The following EOGT variants were observed in gnomAD, a reference collection of about 807,000 sequenced individuals.
EOGT encodes the protein EGF domain specific O-linked N-acetylglucosamine transferase.
A neutral mutation model predicts 70.5 loss-of-function variants in EOGT; 55 were observed. That is an observed-to-expected ratio of 0.78 (90% CI 0.63 to 0.98). The LOEUF is 0.98. Ranked by LOEUF, EOGT falls within the 50% of genes least tolerant of loss-of-function variation. The pLI is 0.00. For synonymous variants in EOGT, 246 were observed against 217.1 expected, an observed-to-expected ratio of 1.13 and a Z score of -1.17; for missense variants, 703 against 641.9, an observed-to-expected ratio of 1.10 and a Z score of -1.03.
At chr3:68,997,249 C>A (rs1237989153) in intron 10 of EOGT, among the ~76,000 whole-genome samples, 1 of 151,966 alleles carries the variant, frequency 6.6e-6, no homozygotes, top group East Asian at 1.9e-4. Context: ...TAATTCAGCA[C>A]AAAGGACACA....
chr3:68,980,796 C>T (rs1288140724), intron 15 of EOGT, among the ~76,000 whole-genome samples: 1 of 152,232 alleles, frequency 6.6e-6, no homozygotes, highest in African/African-American at 2.4e-5. Context: ...TACCCCTGCA[C>T]TGCCAGTTGT....
chr3:68,990,801 T>C (rs1321741513), intron 10 of EOGT, among the ~76,000 whole-genome samples: 2 of 152,164 alleles, frequency 1.3e-5, no homozygotes, highest in Non-Finnish European at 2.9e-5. Context: ...TTATACATTA[T>C]GTTCATGTCT....
At chr3:68,981,278 G>A (rs929535791) in intron 15 of EOGT, among the ~76,000 whole-genome samples, 1 of 152,188 alleles carries the variant, frequency 6.6e-6, no homozygotes, top group Non-Finnish European at 1.5e-5. Context: ...CCGCCATAAT[G>A]GGATTCCTAC....
chr3:68,988,578 C>G lies in EOGT; in HGVS notation c.925-1G>C. ...AAAAAACAGCTTCTTTAAAACATAC[C>G]TAAGAACAAAGATACATTAAAAGAA... is the stretch of plus-strand genomic sequence containing the variant. On this transcript the variant is annotated splice_acceptor_variant, in intron 11 of 17. Transcript: ENST00000383701. LOFTEE classifies it high-confidence loss of function. 6.6e-7 allele frequency: 1 copy of G among 1,522,174 alleles called. No homozygotes were observed. The highest frequency in any genetic ancestry group is 1.2e-5 in the South Asian group (1 of 82,802). 94.3% of individuals were successfully genotyped at this position (1,522,174 alleles called of 1,614,324 possible).
chr3:68,999,002 A>G (rs943832435), intron 9 of EOGT, among the ~76,000 whole-genome samples: 3 of 152,270 alleles, frequency 2.0e-5, no homozygotes, highest in Admixed American at 6.5e-5. Flanking sequence ...TTAACCAACT[A>G]TCATATAAAA....
chr3:68,982,699 C>T, intron 15 of EOGT, 112 bp downstream of exon 15: 4 of 612,984 alleles, frequency 6.5e-6, no homozygotes, highest in Non-Finnish European at 1.1e-5. Context: ...GTCTACTTGT[C>T]CCTTCTGGGC....
chr3:69,011,595 C>CAAA (rs34778421), intron 3 of EOGT, among the ~76,000 whole-genome samples: 35,363 of 127,018 alleles, frequency 0.28, 5,157 homozygotes, highest in East Asian at 0.55. Flanking sequence ...GACTCTGTCT[C>CAAA]AAAAAAAAAA....
At chr3:68,997,308 G>A (rs899656236) in intron 10 of EOGT, among the ~76,000 whole-genome samples, 6 of 151,874 alleles carry the variant, frequency 4.0e-5, no homozygotes, top group African/African-American at 1.2e-4. Context: ...AATGCAAAAG[G>A]CCAAACAGTA....
In EOGT at chr3:68,997,926, T is replaced by C. The variant is rs1271128422; in HGVS notation, c.831+85A>G. 1.1e-5 allele frequency: 9 copies of C among 798,854 alleles called. No individual in the cohort carries two copies. In the African/African-American group the frequency reaches 1.6e-4, roughly 14 times the overall value. The allele number at this position is 798,854 out of a possible 1,614,324, so 49.5% of individuals were successfully genotyped here. ...TGTACATGTTGAAATATATGTGTCTTTGAAAATTCTGTTTCACAACATCAG... is the reference window on the plus strand; with the variant it reads ...TGTACATGTTGAAATATATGTGTCTCTGAAAATTCTGTTTCACAACATCAG... On this transcript the variant is annotated intron_variant, in intron 10 of 17. Transcript: ENST00000383701.
At chr3:69,003,963 C>T (rs1274104548) in intron 8 of EOGT, among the ~76,000 whole-genome samples, 3 of 152,160 alleles carry the variant, frequency 2.0e-5, no homozygotes, top group Non-Finnish European at 4.4e-5. Flanking sequence ...GCCTTGAACT[C>T]CTGGGCTCAA....
At chr3:69,010,531 C>T (rs2091551096) in intron 3 of EOGT, among the ~76,000 whole-genome samples, 1 of 152,210 alleles carries the variant, frequency 6.6e-6, no homozygotes, top group Non-Finnish European at 1.5e-5. Context: ...AGTTACTTAA[C>T]CTTTCTGCAC....
At chr3:69,001,778 T>A in intron 8 of EOGT, 64 bp from the exon 9 acceptor site, 2 of 1,114,372 alleles carry the variant, frequency 1.8e-6, no homozygotes, top group Non-Finnish European at 2.7e-6. Context: ...TAGAACACTG[T>A]AACTTAGGAT....
At chr3:69,001,784 A>G in intron 8 of EOGT, 70 bp from the exon 9 acceptor site, 2 of 1,074,494 alleles carry the variant, frequency 1.9e-6, no homozygotes, top group Non-Finnish European at 2.8e-6. Flanking sequence ...ACTGTAACTT[A>G]GGATCTGTTC....
intron 14 of EOGT, among the ~76,000 whole-genome samples, chr3:68,984,740 G>A (rs2090755515): frequency 6.6e-6 from 1 of 151,958 alleles, no homozygotes. Context: ...CGCATGACTG[G>A]ATCTGAAAAC....
At chr3:69,001,308 T>C (rs1281557951) in intron 9 of EOGT, among the ~76,000 whole-genome samples, 1 of 152,078 alleles carries the variant, frequency 6.6e-6, no homozygotes, top group Non-Finnish European at 1.5e-5. Context: ...ACCAAGTGAT[T>C]AGAGAAACCA....
chr3:68,990,487 G>A (rs1271048370), intron 10 of EOGT, among the ~76,000 whole-genome samples: 2 of 151,644 alleles, frequency 1.3e-5, no homozygotes, highest in Non-Finnish European at 2.9e-5. Context: ...CGAGTAGCTG[G>A]GATTACAGGC....
intron 10 of EOGT, among the ~76,000 whole-genome samples, chr3:68,995,632 T>C (rs1348867465): frequency 6.6e-6 from 1 of 152,140 alleles, no homozygotes; most frequent in Non-Finnish European, 1.5e-5. Flanking sequence ...TAAGTTATAC[T>C]AAGCCCATTT....
intron 3 of EOGT, among the ~76,000 whole-genome samples, chr3:69,011,643 C>T (rs1485022615): frequency 6.6e-6 from 1 of 151,252 alleles, no homozygotes; most frequent in Non-Finnish European, 1.5e-5. Flanking sequence ...AAATTGACTG[C>T]TATGTTCCAT....
At chr3:69,009,918 CA>C in intron 3 of EOGT, 58 bp from the exon 4 acceptor site, 14 of 565,502 alleles carry the variant, frequency 2.5e-5, no homozygotes, top group Non-Finnish European at 3.4e-5. Flanking sequence ...GCCAAAACAA[CA>C]ACAACAACAA....
Sources: gnomAD v4.1 joint callset for allele counts (sites outside exome capture counted in the v4.1 genomes callset) on GRCh38, gnomAD v4.1.1 for gene constraint, MANE v1.5 for transcripts, NCBI Gene and HGNC (gene_info 2026-07-23, HGNC 2026-07-21) for gene names.